Variants in CACNB4 observed in about 807,000 individuals in gnomAD.
CACNB4 encodes the protein voltage-dependent L-type calcium channel subunit beta-4.
Under a neutral mutation model 71.2 loss-of-function variants are expected in CACNB4, and 32 were observed. The observed-to-expected ratio is 0.45, with a 90% CI of 0.34 to 0.60. The LOEUF (loss-of-function observed/expected upper bound fraction) is 0.60, where lower values mean the gene tolerates loss of function less well. CACNB4 is among the 20% of genes least tolerant of loss of function. The pLI, the probability that CACNB4 is intolerant of heterozygous loss-of-function variation, is 0.01. For synonymous variants in CACNB4, 231 were observed against 236.9 expected, an observed-to-expected ratio of 0.97 and a Z score of 0.23; for missense variants, 464 against 647.9, an observed-to-expected ratio of 0.72 and a Z score of 3.08.
chr2:151,929,862 T>C (rs1343283800), intron 2 of CACNB4, among the ~76,000 whole-genome samples: 1 of 152,076 alleles, frequency 6.6e-6, no homozygotes, highest in Non-Finnish European at 1.5e-5. Context: ...CTGATAATCA[T>C]AAAATAATTG....
intron 2 of CACNB4, among the ~76,000 whole-genome samples, chr2:151,947,617 G>A (rs576788024): frequency 6.6e-6 from 1 of 152,102 alleles, no homozygotes; most frequent in Admixed American, 6.6e-5. Context: ...TTTACTGCAC[G>A]GCTCCCTTGG....
intron 2 of CACNB4, among the ~76,000 whole-genome samples, chr2:151,975,646 G>C (rs529427914): frequency 5.3e-4 from 80 of 152,162 alleles, no homozygotes; most frequent in African/African-American, 1.9e-3. Flanking sequence ...GTGGAACCTC[G>C]GTTCCCTCCC....
chr2:151,958,801 C>A (rs888741400), intron 2 of CACNB4, among the ~76,000 whole-genome samples: 2 of 152,180 alleles, frequency 1.3e-5, no homozygotes, highest in Admixed American at 1.3e-4. Flanking sequence ...CAATGCACAG[C>A]TGATCAAACC....
At chr2:152,002,830 T>C (rs1682501659) in intron 2 of CACNB4, among the ~76,000 whole-genome samples, 1 of 152,262 alleles carries the variant, frequency 6.6e-6, no homozygotes. Flanking sequence ...AAAGGAAGCA[T>C]CTGTGGTTAC....
intron 2 of CACNB4, among the ~76,000 whole-genome samples, chr2:152,011,708 C>T (rs1358098205): frequency 6.6e-6 from 1 of 152,194 alleles, no homozygotes; most frequent in Non-Finnish European, 1.5e-5. Context: ...TGCAGGAATT[C>T]CCCTGCTGCC....
At chr2:151,916,085 A>G (rs112191430) in intron 2 of CACNB4, among the ~76,000 whole-genome samples, 17 of 128,776 alleles carry the variant, frequency 1.3e-4, no homozygotes, top group Middle Eastern at 3.8e-3. Context: ...CCTCTAGTCA[A>G]CTTTGATGAG....
chr2:151,876,276 A>T (rs1242159694), intron 5 of CACNB4, 150 bp downstream of exon 5: 5 of 501,644 alleles, frequency 1.0e-5, no homozygotes, highest in Non-Finnish European at 1.7e-5. Context: ...GCATGCACAG[A>T]GGATAGAGAA....
At chr2:152,096,796 T>C (rs1688292133) in intron 2 of CACNB4, among the ~76,000 whole-genome samples, 1 of 152,206 alleles carries the variant, frequency 6.6e-6, no homozygotes, top group South Asian at 2.1e-4. Context: ...AGAATATTAT[T>C]TTGTTTGTGC....
chr2:151,841,250 T>G (rs937934937), intron 13 of CACNB4, among the ~76,000 whole-genome samples: 1 of 152,130 alleles, frequency 6.6e-6, no homozygotes, highest in African/African-American at 2.4e-5. Context: ...TACTTAGCTA[T>G]TGTGTAATCC....
chr2:151,920,469 C>T (rs757208961), intron 2 of CACNB4, among the ~76,000 whole-genome samples: 59 of 151,906 alleles, frequency 3.9e-4, no homozygotes, highest in Non-Finnish European at 5.2e-4. Context: ...ACTACAGGCA[C>T]GTGCCACCAC....
At chr2:151,871,127 G>T in intron 6 of CACNB4, 1 of 491,810 alleles carries the variant, frequency 2.0e-6, no homozygotes, top group Non-Finnish European at 3.6e-6. Context: ...CAGGAGTTGA[G>T]AGCAACACTG....
At chr2:152,055,160 T>C (rs1685659836) in intron 2 of CACNB4, among the ~76,000 whole-genome samples, 1 of 152,158 alleles carries the variant, frequency 6.6e-6, no homozygotes, top group Admixed American at 6.5e-5. Flanking sequence ...TATAGGCACA[T>C]GCCACCACAC....
At chr2:152,069,520 T>C (rs1379438215) in intron 2 of CACNB4, among the ~76,000 whole-genome samples, 3 of 151,150 alleles carry the variant, frequency 2.0e-5, no homozygotes, top group East Asian at 1.9e-4. Context: ...TTTTTTTTTT[T>C]TCAGTAGAAT....
intron 2 of CACNB4, among the ~76,000 whole-genome samples, chr2:151,890,480 G>A (rs2099850458): frequency 6.6e-6 from 1 of 152,146 alleles, no homozygotes. Flanking sequence ...AGGCATCTGA[G>A]GCTCAGACAG....
chr2:152,005,965 C>T (rs1207268393), intron 2 of CACNB4, among the ~76,000 whole-genome samples: 2 of 152,196 alleles, frequency 1.3e-5, no homozygotes, highest in East Asian at 1.9e-4. Flanking sequence ...CAACAATGTT[C>T]GCTATCATTA....
intron 2 of CACNB4, among the ~76,000 whole-genome samples, chr2:152,080,021 G>A (rs1687268710): frequency 6.6e-6 from 1 of 151,956 alleles, no homozygotes; most frequent in Non-Finnish European, 1.5e-5. Flanking sequence ...TGCTTTTATT[G>A]AATTGTACTC....
chr2:151,932,544 G>A (rs1457340535), intron 2 of CACNB4, among the ~76,000 whole-genome samples: 1 of 152,078 alleles, frequency 6.6e-6, no homozygotes, highest in Non-Finnish European at 1.5e-5. Flanking sequence ...GATCTGATTT[G>A]GAAACAGGGT....
chr2:152,082,829 C>T (rs1687436159), intron 2 of CACNB4, among the ~76,000 whole-genome samples: 1 of 152,148 alleles, frequency 6.6e-6, no homozygotes. Context: ...TCCACAAAAT[C>T]CTATTTAGGA....
In CACNB4 at chr2:151,845,424, G is replaced by T. The variant is rs114279109; in HGVS notation, c.1117-3336C>A. Among the ~76,000 whole-genome samples the T allele has an allele frequency of 3.3e-3, 501 of 152,222 alleles. 3 individuals are homozygous for T. The highest frequency in any genetic ancestry group is 0.012 in the African/African-American group (478 of 41,524). Reference sequence around the variant, plus strand: ...ATATCTGTGACAATTTTTCTCTTTAGCTGTTTAGGAAATAACACAGCTGAG... The same window carrying T: ...ATATCTGTGACAATTTTTCTCTTTATCTGTTTAGGAAATAACACAGCTGAG... On this transcript the variant is annotated intron_variant, in intron 12 of 13. Transcript: ENST00000539935.
Sources: gnomAD v4.1 joint callset for allele counts (sites outside exome capture counted in the v4.1 genomes callset) on GRCh38, gnomAD v4.1.1 for gene constraint, MANE v1.5 for transcripts, NCBI Gene and HGNC (gene_info 2026-07-23, HGNC 2026-07-21) for gene names.